CCBE1: variants seen among roughly 807,000 people sequenced by gnomAD.
CCBE1 encodes the protein collagen and calcium binding EGF domains 1.
In CCBE1, 37 loss-of-function variants were observed where a neutral mutation model predicts 50.0. The ratio of observed to expected loss-of-function variants is 0.74; its 90% CI spans 0.57 to 0.97. CCBE1 has a LOEUF of 0.97. Ranked by LOEUF, CCBE1 falls within the 50% of genes least tolerant of loss-of-function variation. CCBE1 has a pLI of 0.00. For synonymous variants in CCBE1, 234 were observed against 203.7 expected (o/e 1.15, Z -1.27); for missense variants, 538 against 523.8 (o/e 1.03, Z -0.26).
chr18:59,442,658 G>A (rs1424422745), intron 7 of CCBE1, among the ~76,000 whole-genome samples: 1 of 152,060 alleles, frequency 6.6e-6, no homozygotes, highest in Non-Finnish European at 1.5e-5. Context: ...AACCTGGGAG[G>A]CAGAGATTGC....
chr18:59,455,175 A>T lies in CCBE1; in HGVS notation c.554-224T>A, dbSNP rs1911131777. 6.3e-6 allele frequency: 4 copies of T among 639,684 alleles called. No homozygotes were observed. The Admixed American group carries it at 8.7e-5, about 14-fold the overall frequency. The allele number at this position is 639,684 out of a possible 1,614,324, so 39.6% of individuals were successfully genotyped here. ...AGGGGCCCTGCTAGAAGCTGGGCTCAGCTGTTCCTATTTAGACATGCCAGG... is the reference window on the plus strand; with the variant it reads ...AGGGGCCCTGCTAGAAGCTGGGCTCTGCTGTTCCTATTTAGACATGCCAGG... On this transcript the variant is annotated intron_variant, in intron 5 of 10. Coordinates refer to ENST00000439986, the MANE Select transcript of CCBE1 (RefSeq NM_133459.4).
intron 2 of CCBE1, among the ~76,000 whole-genome samples, chr18:59,634,115 C>G (rs2053887481): frequency 1.3e-5 from 2 of 152,176 alleles, no homozygotes; most frequent in South Asian, 4.1e-4. Context: ...ATAAATGTGA[C>G]AAGCTAAAAC....
At position 59,643,804 on chromosome 18, in the gene CCBE1, A is replaced by T. The variant is rs1042398662; in HGVS notation, c.212+52825T>A. On this transcript the variant is annotated intron_variant, in intron 2 of 10. Coordinates refer to ENST00000439986, the MANE Select transcript of CCBE1 (RefSeq NM_133459.4). Reference sequence around the variant, plus strand: ...GCCACTGTACTCCAGCCTGGGCAACAATGCGAGACTGTCTCAGAATGCGGG... The same window carrying T: ...GCCACTGTACTCCAGCCTGGGCAACTATGCGAGACTGTCTCAGAATGCGGG... Among the ~76,000 whole-genome samples, 66 of 139,672 alleles carry T rather than the reference A, an allele frequency of 4.7e-4. 1 individual carries two copies. The highest frequency in any genetic ancestry group is 7.8e-5 in the Non-Finnish European group (5 of 64,358). The allele number at this position is 139,672 out of a possible 152,430, so 91.6% of individuals were successfully genotyped here.
chr18:59,521,764 T>C (rs1298348600), intron 2 of CCBE1, among the ~76,000 whole-genome samples: 1 of 133,508 alleles, frequency 7.5e-6, no homozygotes, highest in Admixed American at 7.1e-5. Context: ...CTGTGTAGAA[T>C]GGAAAATTTG....
chr18:59,460,972 A>T (rs1030739637), intron 5 of CCBE1, among the ~76,000 whole-genome samples: 1 of 107,438 alleles, frequency 9.3e-6, no homozygotes, highest in Non-Finnish European at 2.1e-5. Context: ...AATAAATAAT[A>T]AAATAAAAAT....
At chr18:59,641,962 A>G (rs1278861874) in intron 2 of CCBE1, among the ~76,000 whole-genome samples, 1 of 152,178 alleles carries the variant, frequency 6.6e-6, no homozygotes, top group African/African-American at 2.4e-5. Context: ...TGGATTGGAG[A>G]AGGTGAAACT....
At chr18:59,556,363 C>A (rs977660202) in intron 2 of CCBE1, among the ~76,000 whole-genome samples, 2 of 152,074 alleles carry the variant, frequency 1.3e-5, no homozygotes, top group Non-Finnish European at 2.9e-5. Flanking sequence ...GTACAGAGTG[C>A]GAGGAGGACT....
chr18:59,537,487 C>G lies in CCBE1; in HGVS notation c.213-57249G>C, dbSNP rs181519702. Among the ~76,000 whole-genome samples the G allele has an allele frequency of 3.7e-3, 557 of 152,246 alleles. 4 individuals carry two copies. Among genetic ancestry groups the G allele is most frequent in the African/African-American group, 0.013 (538 of 41,562 alleles). On this transcript the variant is annotated intron_variant, in intron 2 of 10. Transcript: ENST00000439986. ...CCTGATGGTTTTATAAGAGGAAAAC[C>G]CTTTCGCTTGGCTCTCATTTTCTTG... is the stretch of plus-strand genomic sequence containing the variant.
Position 59,522,352 on chromosome 18 carries a change from A to G in CCBE1, c.213-42114T>C, listed in dbSNP as rs535841422. 4.6e-5 allele frequency among the ~76,000 whole-genome samples: 7 copies of G among 152,344 alleles called. No homozygotes were observed. The South Asian group carries it at 1.2e-3, about 27-fold the overall frequency. On this transcript the variant is annotated intron_variant, in intron 2 of 10. Transcript: ENST00000439986. ...TGACATAAAGAAGAGGTAAGTTTCT[A>G]TAGCATGTTTCTGGTCACAAAAACA...
chr18:59,580,357 C>T (rs148668588), intron 2 of CCBE1, among the ~76,000 whole-genome samples: 2 of 152,126 alleles, frequency 1.3e-5, no homozygotes, highest in East Asian at 1.9e-4. Context: ...TTTTCCAGAC[C>T]GAAACAATGT....
At chr18:59,506,965 T>C (rs1913904917) in intron 2 of CCBE1, among the ~76,000 whole-genome samples, 1 of 152,186 alleles carries the variant, frequency 6.6e-6, no homozygotes, top group African/African-American at 2.4e-5. Context: ...TAAGCCTCTC[T>C]TTCAGCCCCT....
intron 2 of CCBE1, among the ~76,000 whole-genome samples, chr18:59,670,793 C>T (rs558789111): frequency 6.6e-6 from 1 of 152,120 alleles, no homozygotes; most frequent in South Asian, 2.1e-4. Context: ...GCCAAAAATA[C>T]AAAAATTAGA....
At chr18:59,598,645 G>A (rs1375562503) in intron 2 of CCBE1, among the ~76,000 whole-genome samples, 2 of 152,224 alleles carry the variant, frequency 1.3e-5, no homozygotes, top group Non-Finnish European at 2.9e-5. Flanking sequence ...ATTTATCCAT[G>A]TAGCTGAGGT....
Position 59,544,872 on chromosome 18 carries a change from A to G in CCBE1, c.213-64634T>C, listed in dbSNP as rs549474227. 1.4e-3 allele frequency among the ~76,000 whole-genome samples: 211 copies of G among 152,350 alleles called. 1 individual carries two copies. The highest frequency in any genetic ancestry group is 4.5e-3 in the African/African-American group (189 of 41,582). On this transcript the variant is annotated intron_variant, in intron 2 of 10. Transcript: ENST00000439986. ...TAGGGAATGCAATGAGTAGTTGATA[A>G]CGAATTGGAACATTTAGCACAATAT...
chr18:59,656,330 T>C (rs1310343343), intron 2 of CCBE1, among the ~76,000 whole-genome samples: 1 of 152,212 alleles, frequency 6.6e-6, no homozygotes, highest in Non-Finnish European at 1.5e-5. Context: ...AGAGCAGAAA[T>C]TTTAATCACC....
chr18:59,542,371 G>A (rs1915504512), intron 2 of CCBE1, among the ~76,000 whole-genome samples: 1 of 151,870 alleles, frequency 6.6e-6, no homozygotes, highest in East Asian at 1.9e-4. Flanking sequence ...TGAACACGTG[G>A]CATGATAAAT....
chr18:59,531,158 T>C (rs1915032391), intron 2 of CCBE1, among the ~76,000 whole-genome samples: 1 of 152,164 alleles, frequency 6.6e-6, no homozygotes, highest in East Asian at 1.9e-4. Flanking sequence ...GTGAGCTGAA[T>C]GATCTGATAT....
chr18:59,691,693 C>T (rs548995015), intron 2 of CCBE1, among the ~76,000 whole-genome samples: 6 of 152,308 alleles, frequency 3.9e-5, no homozygotes, highest in African/African-American at 7.2e-5. Context: ...CGTGAGCCAC[C>T]GCGCCCAGCT....
intron 10 of CCBE1, among the ~76,000 whole-genome samples, 171 bp downstream of exon 10, chr18:59,437,940 T>C (rs1356483879): frequency 6.6e-6 from 1 of 152,190 alleles, no homozygotes; most frequent in Admixed American, 6.5e-5. Flanking sequence ...AAATCCAAAC[T>C]AGCAGCTAAG....
Sources: gnomAD v4.1 joint callset for allele counts (sites outside exome capture counted in the v4.1 genomes callset) on GRCh38, gnomAD v4.1.1 for gene constraint, MANE v1.5 for transcripts, NCBI Gene and HGNC (gene_info 2026-07-23, HGNC 2026-07-21) for gene names.